DNAH3: variants seen among roughly 807,000 people sequenced by gnomAD.
DNAH3 encodes the protein axonemal beta dynein heavy chain 3.
In DNAH3, 332 loss-of-function variants were observed where a neutral mutation model predicts 432.5. The observed-to-expected ratio is 0.77, with a 90% confidence interval of 0.70 to 0.84. The LOEUF (loss-of-function observed/expected upper bound fraction) is 0.84, where lower values mean the gene tolerates loss of function less well. Ranked by LOEUF, DNAH3 falls within the 40% of genes least tolerant of loss-of-function variation. The pLI is 0.00. For missense variants in DNAH3, 4,861 were observed against 5,114.0 expected (o/e 0.95, Z 1.51); for synonymous variants, 1,956 against 1,900.2 (o/e 1.03, Z -0.76).
At chr16:21,122,203 A>T in intron 9 of DNAH3, 79 bp from the exon 11 acceptor site, 1 of 1,198,000 alleles carries the variant, frequency 8.3e-7, no homozygotes, top group Non-Finnish European at 1.2e-6. Context: ...ATACATTCAT[A>T]GAACTACATG....
chr16:21,082,599 G>T (rs2091227001), intron 19 of DNAH3, among the ~76,000 whole-genome samples: 1 of 152,116 alleles, frequency 6.6e-6, no homozygotes, highest in South Asian at 2.1e-4. Context: ...GGAGGCTGAG[G>T]CGGGCGGATC....
intron 24 of DNAH3, among the ~76,000 whole-genome samples, chr16:21,064,717 T>C (rs1416116700): frequency 1.3e-5 from 2 of 152,234 alleles, no homozygotes; most frequent in Non-Finnish European, 2.9e-5. Context: ...TACATTCGTA[T>C]AATTTAAAAT....
exon 53 of DNAH3, chr16:20,965,147 C>G (rs2084996028): frequency 6.2e-7 from 1 of 1,613,990 alleles, no homozygotes; most frequent in South Asian, 1.1e-5. Flanking sequence ...GCCAGCTTCC[C>G]CTCTGCCTCC....
rs1027160866 is a variant in DNAH3, at chr16:21,106,469, C to T, written c.2284+21G>A. On this transcript the variant is annotated intron_variant, in intron 15 of 61. Transcript: ENST00000261383. ...ACATATAGGTATGCATTTCGATGGTCACACATGGCATTGGACTTACACGGC... is the reference window on the plus strand; with the variant it reads ...ACATATAGGTATGCATTTCGATGGTTACACATGGCATTGGACTTACACGGC... 6 of 1,546,892 alleles carry T rather than the reference C, an allele frequency of 3.9e-6. No individual in the cohort carries two copies. In the African/African-American group the frequency reaches 5.4e-5, roughly 14 times the overall value.
rs767559589 is a variant in DNAH3, at chr16:20,944,615, C to T, written c.11392G>A (p.Val3798Met). The T allele has an allele frequency of 9.3e-6, 15 of 1,614,024 alleles. No individual in the cohort carries two copies. In the East Asian group the frequency reaches 3.3e-4, roughly 36 times the overall value. Residue 3798 changes from valine (V) to methionine (M), a missense_variant, in exon 58 of 62, where the codon GTG (valine) becomes ATG (methionine). Coordinates refer to ENST00000261383, the Ensembl canonical transcript of DNAH3. ...TCTGCGTTCTCATGGAGGCCGAACA[C>T]TTCTGGGTGGGCTGTGATGGGGAGA...
At chr16:20,988,892 G>C (rs912269528) in intron 44 of DNAH3, among the ~76,000 whole-genome samples, 3 of 152,108 alleles carry the variant, frequency 2.0e-5, no homozygotes, top group African/African-American at 7.2e-5. Context: ...GCAGACCTTC[G>C]CGGTGAGTGT....
intron 51 of DNAH3, among the ~76,000 whole-genome samples, chr16:20,971,732 T>G (rs1478699453): frequency 6.6e-6 from 1 of 152,222 alleles, no homozygotes; most frequent in Non-Finnish European, 1.5e-5. Flanking sequence ...CTGTTTGGCC[T>G]GACATTACAG....
intron 12 of DNAH3, among the ~76,000 whole-genome samples, chr16:21,116,774 G>T (rs2092212428): frequency 6.6e-6 from 1 of 152,170 alleles, no homozygotes; most frequent in Non-Finnish European, 1.5e-5. Flanking sequence ...GCAAAAGTTG[G>T]CCTGAACAGA....
At chr16:21,082,745 C>T (rs2091233439) in intron 19 of DNAH3, among the ~76,000 whole-genome samples, 1 of 151,682 alleles carries the variant, frequency 6.6e-6, no homozygotes, top group South Asian at 2.1e-4. Flanking sequence ...AAAAGAACAG[C>T]TTGAACCGGG....
chr16:21,121,922 G>A (rs201240710), intron 10 of DNAH3, 23 bp downstream of exon 11: 120 of 1,562,620 alleles, frequency 7.7e-5, no homozygotes, highest in Middle Eastern at 1.7e-4. Context: ...TCATGCAAAT[G>A]AATGATTAAG....
intron 7 of DNAH3, among the ~76,000 whole-genome samples, chr16:21,131,543 G>A (rs1406031739): frequency 1.3e-5 from 2 of 150,858 alleles, no homozygotes; most frequent in East Asian, 3.9e-4. Context: ...GAAAGAAAAA[G>A]AAAGGAAGGA....
intron 41 of DNAH3, among the ~76,000 whole-genome samples, chr16:21,010,303 T>C (rs575863275): frequency 6.3e-4 from 96 of 152,260 alleles, no homozygotes; most frequent in Middle Eastern, 3.4e-3. Flanking sequence ...GGATTGGTAA[T>C]GAATTGGTAA....
intron 42 of DNAH3, among the ~76,000 whole-genome samples, chr16:21,002,679 TTGC>T (rs2087084878): frequency 6.6e-6 from 1 of 152,120 alleles, no homozygotes; most frequent in African/African-American, 2.4e-5. Flanking sequence ...CAGGCTGGTC[TTGC>T]ACTCCTGACC....
In DNAH3 at chr16:21,075,062, G is replaced by A. The variant is rs569930024; in HGVS notation, c.3084+385C>T. 7.2e-5 allele frequency among the ~76,000 whole-genome samples: 11 copies of A among 152,252 alleles called. No individual in the cohort carries two copies. In the South Asian group the frequency reaches 1.7e-3, roughly 23 times the overall value. On this transcript the variant is annotated intron_variant, in intron 21 of 61. Transcript: ENST00000261383. ...GAACCCGCATTTCAACAAGATCTCCGATGATTCCTGCATGCATTGACATCT... is the reference window on the plus strand; with the variant it reads ...GAACCCGCATTTCAACAAGATCTCCAATGATTCCTGCATGCATTGACATCT...
At chr16:21,017,831 CATT>C (rs1274169331) in intron 41 of DNAH3, among the ~76,000 whole-genome samples, 1 of 152,028 alleles carries the variant, frequency 6.6e-6, no homozygotes, top group African/African-American at 2.4e-5. Flanking sequence ...TTCATTATTT[CATT>C]ATTATGAAAC....
exon 53 of DNAH3, chr16:20,964,728 A>G (rs2084976277): frequency 8.1e-6 from 13 of 1,614,144 alleles, no homozygotes; most frequent in Non-Finnish European, 9.3e-6. Flanking sequence ...TCTGCCAGGC[A>G]CGGATTTTTA....
At chr16:21,013,930 T>A (rs930340795) in intron 41 of DNAH3, among the ~76,000 whole-genome samples, 1 of 152,168 alleles carries the variant, frequency 6.6e-6, no homozygotes, top group African/African-American at 2.4e-5. Flanking sequence ...TAAAGAAATT[T>A]AATCAACAAT....
chr16:21,152,139 C>A (rs2092859384), intron 1 of DNAH3, among the ~76,000 whole-genome samples: 1 of 152,042 alleles, frequency 6.6e-6, no homozygotes, highest in Non-Finnish European at 1.5e-5. Context: ...GGGGCTGAGG[C>A]AGGAGAATCG....
intron 14 of DNAH3, among the ~76,000 whole-genome samples, chr16:21,106,923 G>C (rs4783523): frequency 0.28 from 42,584 of 151,892 alleles, 6,083 homozygotes; most frequent in African/African-American, 0.33. Flanking sequence ...TTATGAAGTA[G>C]CACACCCCAT....
Sources: allele counts gnomAD v4.1 joint callset (sites outside exome capture counted in the v4.1 genomes callset), GRCh38; gene constraint gnomAD v4.1.1; transcripts MANE v1.5; gene names NCBI Gene and HGNC (gene_info 2026-07-23, HGNC 2026-07-21).